The following KRT1 variants were observed in gnomAD, a reference collection of about 807,000 sequenced individuals.
KRT1 encodes keratin 1.
Under a neutral mutation model 51.6 loss-of-function variants are expected in KRT1, and 28 were observed. The ratio of observed to expected loss-of-function variants is 0.54; its 90% confidence interval spans 0.40 to 0.74. The LOEUF (loss-of-function observed/expected upper bound fraction) is 0.74. Among genes scored for constraint, KRT1 ranks in the 30% least tolerant of loss-of-function variants. The pLI is 0.00. For synonymous variants in KRT1, 301 were observed against 307.7 expected, an observed-to-expected ratio of 0.98 and a Z score of 0.23; for missense variants, 783 against 815.5, an observed-to-expected ratio of 0.96 and a Z score of 0.49.
intron 1 of KRT1, 83 bp downstream of exon 1, chr12:52,679,675 G>T: frequency 8.6e-7 from 1 of 1,162,050 alleles, no homozygotes; most frequent in South Asian, 1.2e-5. Context: ...GGAAACTTGA[G>T]GTTCAAACCT....
Position 52,674,992 on chromosome 12 carries a change from G to T in KRT1, c.*201C>A. On this transcript the variant is annotated 3_prime_UTR_variant, in exon 9 of 9. Coordinates refer to ENST00000252244, the MANE Select transcript of KRT1 (RefSeq NM_006121.4). ...AAAGAACAAAGCAGGGTCATAGCCA[G>T]GGGACTGAGATTGCCACTGATCTGA... 1.3e-6 allele frequency: 1 copy of T among 759,786 alleles called. No individual in the cohort carries two copies. 47.1% of individuals were successfully genotyped at this position (759,786 alleles called of 1,614,324 possible).
At position 52,674,927 on chromosome 12, in the gene KRT1, G is replaced by A; in HGVS notation, c.*266C>T. 1.7e-6 allele frequency: 1 copy of A among 594,080 alleles called. No homozygotes were observed. Among genetic ancestry groups the A allele is most frequent in the Admixed American group, 2.8e-5 (1 of 35,422 alleles). 36.8% of individuals were successfully genotyped at this position (594,080 alleles called of 1,614,324 possible). On this transcript the variant is annotated 3_prime_UTR_variant, in exon 9 of 9. Transcript: ENST00000252244. ...CTGGCTTAAGGAGGTGCTTTGAAAT[G>A]TCATGTGGGTGGTGGTCACTGCTGA...
chr12:52,677,190 G>T lies in KRT1; in HGVS notation c.1129-6C>A. 2 of 1,614,196 alleles carry T rather than the reference G, an allele frequency of 1.2e-6. No homozygotes were observed. Among genetic ancestry groups the T allele is most frequent in the South Asian group, 2.2e-5 (2 of 91,082 alleles). ...GTGATCTGCAGCTCTTCATACTAAA[G>T]ATGGTAGATAGCGTTTGTTAAATGT... On this transcript the variant is annotated splice_region_variant and splice_polypyrimidine_tract_variant and intron_variant, in intron 5 of 8. Transcript: ENST00000252244.
intron 1 of KRT1, 22 bp from the exon 2 acceptor site, chr12:52,678,778 A>G: frequency 6.2e-7 from 1 of 1,604,628 alleles, no homozygotes; most frequent in Non-Finnish European, 8.5e-7. Context: ...AGACCCCTTT[A>G]CTCCTGATGC....
At chr12:52,679,096 A>G (rs1196824228) in intron 1 of KRT1, among the ~76,000 whole-genome samples, 2 of 152,218 alleles carry the variant, frequency 1.3e-5, no homozygotes, top group Non-Finnish European at 2.9e-5. Flanking sequence ...CAGGACACAC[A>G]CACATTTCAA....
chr12:52,675,758 TAAGAAAA>T lies in KRT1; in HGVS notation c.1476-21_1476-15del. 6.2e-7 allele frequency: 1 copy of T among 1,613,872 alleles called. No individual in the cohort carries two copies. Among genetic ancestry groups the T allele is most frequent in the Non-Finnish European group, 8.5e-7 (1 of 1,179,990 alleles). ...TCTCCAGACATCCTGTAGGAGAAAATAAGAAAATTCCTCAGGACACTCCAGCTTCCCA... is the reference window on the plus strand; with the variant it reads ...TCTCCAGACATCCTGTAGGAGAAAATTTCCTCAGGACACTCCAGCTTCCCA... On this transcript the variant is annotated splice_polypyrimidine_tract_variant and intron_variant, in intron 7 of 8. Transcript: ENST00000252244.
chr12:52,679,627 G>T, intron 1 of KRT1, 131 bp downstream of exon 1: 1 of 831,662 alleles, frequency 1.2e-6, no homozygotes, highest in Non-Finnish European at 2.1e-6. Context: ...TCTCCTAGGA[G>T]ACCATTCCAC....
In KRT1 at chr12:52,675,739, G is replaced by A; in HGVS notation, c.1481C>T (p.Ser494Phe). 6.2e-7 allele frequency: 1 copy of A among 1,614,140 alleles called. No individual in the cohort carries two copies. Among genetic ancestry groups the A allele is most frequent in the South Asian group, 1.1e-5 (1 of 91,084 alleles). Residue 494 changes from serine (S) to phenylalanine (F), a missense_variant, in exon 8 of 9, where the codon TCT becomes TTT. By Grantham distance (155) the Ser-to-Phe change is radical. Coordinates refer to ENST00000252244, the MANE Select transcript of KRT1 (RefSeq NM_006121.4). ...ACTCACGTTCGGGGCACATTCTCCAGACATCCTGTAGGAGAAAATAAGAAA... is the reference window on the plus strand; with the variant it reads ...ACTCACGTTCGGGGCACATTCTCCAAACATCCTGTAGGAGAAAATAAGAAA... ...TLLEGEESRM[S>F]GECAPNVSVS...
rs764742435 is a variant in KRT1, at chr12:52,677,493, A to G, written c.964-13T>C. ...TCTGAGACAACTCCTGCAAGACATAATAGGTTAGTGACTCTTACAGCACTA... is the reference window on the plus strand; with the variant it reads ...TCTGAGACAACTCCTGCAAGACATAGTAGGTTAGTGACTCTTACAGCACTA... On this transcript the variant is annotated splice_polypyrimidine_tract_variant and intron_variant, in intron 4 of 8. Transcript: ENST00000252244. The G allele has an allele frequency of 7.4e-6, 12 of 1,614,106 alleles. No individual in the cohort carries two copies. The African/African-American group carries it at 1.1e-4, about 14-fold the overall frequency.
chr12:52,678,406 T>C, intron 2 of KRT1, 136 bp downstream of exon 2: 1 of 1,094,270 alleles, frequency 9.1e-7, no homozygotes, highest in South Asian at 1.3e-5. Context: ...AAAATGAAGA[T>C]TTCTGAAAAT....
rs750509590 is a variant in KRT1, at chr12:52,679,922, AACCACCCCCATATCC to A, written c.412_426del (p.Gly138_Gly142del). 1.9e-6 allele frequency: 3 copies of A among 1,613,556 alleles called. No homozygotes were observed. Among genetic ancestry groups the A allele is most frequent in the South Asian group, 1.1e-5 (1 of 91,044 alleles). ...CCACCAGGAGGGCAGACAGGACCAT[AACCACCCCCATATCC>A]ACCACCCCCAAAGCCACCTCCACCA... is the stretch of plus-strand genomic sequence containing the variant. On this transcript the variant is annotated inframe_deletion, in exon 1 of 9. Transcript: ENST00000252244.
At chr12:52,677,273 C>T in intron 5 of KRT1, 43 bp downstream of exon 5, 1 of 1,613,766 alleles carries the variant, frequency 6.2e-7, no homozygotes, top group East Asian at 2.2e-5. Context: ...GATAGCAAGA[C>T]AAGCCATTTC....
Position 52,675,561 on chromosome 12 carries a change from C to G in KRT1, c.1567G>C (p.Gly523Arg), listed in dbSNP as rs749532294. Residue 523 changes from glycine (G) to arginine (R), a missense_variant, in exon 9 of 9, where the codon GGT (glycine) becomes CGT (arginine). By Grantham distance (125) the Gly-to-Arg change is moderately radical. Coordinates refer to ENST00000252244, the MANE Select transcript of KRT1 (RefSeq NM_006121.4). ...CTGCTACCTCCAGAGCCGTAGCCAC[C>G]GCCGCCACCTCCTCGGCTGCCACCT... ...SGGGSRGGGG[G>R]GYGSGGSSYG... 1.4e-5 allele frequency: 22 copies of G among 1,613,972 alleles called. No homozygotes were observed. The highest frequency in any genetic ancestry group is 6.6e-5 in the South Asian group (6 of 91,080).
chr12:52,678,802 CAT>C (rs1565647669), intron 1 of KRT1, 46 bp from the exon 2 acceptor site: 2 of 1,516,508 alleles, frequency 1.3e-6, no homozygotes, highest in Non-Finnish European at 1.8e-6. Context: ...AATGGAGTCT[CAT>C]AGCCATGGAG....
At position 52,676,351 on chromosome 12, in the gene KRT1, C is replaced by T; in HGVS notation, c.1399G>A (p.Glu467Lys). 1 of 1,614,166 alleles carries T rather than the reference C, an allele frequency of 6.2e-7. No individual in the cohort carries two copies. The highest frequency in any genetic ancestry group is 8.5e-7 in the Non-Finnish European group (1 of 1,180,034). The change falls in exon 7 of 9, where the codon GAG (glutamate) becomes AAG (lysine). Residue 467 changes from glutamate to lysine, a missense_variant. Coordinates refer to ENST00000252244, the MANE Select transcript of KRT1 (RefSeq NM_006121.4). ...AGGGCCAGCTTTGTGTTCATCAGCT[C>T]CTGGTAGTCGCGCAGCAGGCGGGCC... ...DLARLLRDYQ[E>K]LMNTKLALDL...
rs1941476967 is a variant in KRT1 at position 52,674,835 on chromosome 12, C to T, written c.*358G>A. 1 of 407,086 alleles carries T rather than the reference C, an allele frequency of 2.5e-6. No homozygotes were observed. The highest frequency in any genetic ancestry group is 3.7e-5 in the Admixed American group (1 of 27,218). The allele number at this position is 407,086 out of a possible 1,614,324, so 25.2% of individuals were successfully genotyped here. ...CTTGCTTACACCTTATGTACAAAAC[C>T]AAAACAGCACAGAGATAAGATGCTA... On this transcript the variant is annotated 3_prime_UTR_variant, in exon 9 of 9. Coordinates refer to ENST00000252244, the MANE Select transcript of KRT1 (RefSeq NM_006121.4).
Position 52,680,186 on chromosome 12 carries a change from T to TACC in KRT1, c.160_162dup (p.Gly54dup), listed in dbSNP as rs760465118. On this transcript the variant is annotated inframe_insertion, in exon 1 of 9. Coordinates refer to ENST00000252244, the MANE Select transcript of KRT1 (RefSeq NM_006121.4). Reference sequence around the variant, plus strand: ...CCAAATCCACCACCAGCACCAAAGCTACCACCACCACCACCACAGCTTGAA... The same window carrying TACC: ...CCAAATCCACCACCAGCACCAAAGCTACCACCACCACCACCACCACAGCTTGAA... The TACC allele has an allele frequency of 4.8e-5, 78 of 1,612,662 alleles. No individual in the cohort carries two copies. The African/African-American group carries it at 8.7e-4, about 18-fold the overall frequency.
In KRT1 at chr12:52,679,721, G is replaced by A. The variant is rs200896578; in HGVS notation, c.591+37C>T. 2.8e-4 allele frequency: 447 copies of A among 1,576,064 alleles called. 4 individuals carry two copies. The African/African-American group carries it at 5.3e-3, about 19-fold the overall frequency. Reference sequence around the variant, plus strand: ...GACTGCACCAATCCCAAGTGGACCAGCGGCAGCCCTACCAGTGCAATGAGA... The same window carrying A: ...GACTGCACCAATCCCAAGTGGACCAACGGCAGCCCTACCAGTGCAATGAGA... On this transcript the variant is annotated intron_variant, in intron 1 of 8. Transcript: ENST00000252244.
chr12:52,676,942 G>T, intron 6 of KRT1, 117 bp downstream of exon 6: 1 of 1,356,166 alleles, frequency 7.4e-7, no homozygotes, highest in Non-Finnish European at 1.0e-6. Context: ...AGGAACCAGG[G>T]ATAATAATGT....
Sources: gnomAD v4.1 joint callset for allele counts (sites outside exome capture counted in the v4.1 genomes callset) on GRCh38, gnomAD v4.1.1 for gene constraint, MANE v1.5 for transcripts, NCBI Gene and HGNC (gene_info 2026-07-23, HGNC 2026-07-21) for gene names.